Variants in TPX2 observed in about 807,000 individuals in gnomAD.
TPX2 encodes the protein targeting protein for Xklp2.
In TPX2, 21 loss-of-function variants were observed where a neutral mutation model predicts 93.6. That is an observed-to-expected ratio of 0.22 (90% CI 0.16 to 0.32). The LOEUF (loss-of-function observed/expected upper bound fraction) is 0.32. Among genes scored for constraint, TPX2 ranks in the 10% least tolerant of loss-of-function variants. The pLI is 1.00. For synonymous variants in TPX2, 281 were observed against 298.3 expected (o/e 0.94, Z 0.60); for missense variants, 776 against 871.1 (o/e 0.89, Z 1.37).
At chr20:31,759,780 A>G (rs1386041214) in intron 3 of TPX2, among the ~76,000 whole-genome samples, 1 of 152,112 alleles carries the variant, frequency 6.6e-6, no homozygotes, top group Non-Finnish European at 1.5e-5. Context: ...CTAAATGTGT[A>G]CCAAACAAAG....
intron 2 of TPX2, among the ~76,000 whole-genome samples, chr20:31,751,121 G>C (rs1478606755): frequency 1.3e-5 from 2 of 152,230 alleles, no homozygotes; most frequent in Non-Finnish European, 1.5e-5. Context: ...AGGAGTTCGA[G>C]TCTAGCCTGA....
intron 10 of TPX2, among the ~76,000 whole-genome samples, chr20:31,780,041 T>A (rs1397421831): frequency 6.6e-6 from 1 of 152,212 alleles, no homozygotes; most frequent in Non-Finnish European, 1.5e-5. Flanking sequence ...ATTTTTTATA[T>A]CCTTGCATAG....
intron 12 of TPX2, among the ~76,000 whole-genome samples, chr20:31,786,793 G>A (rs6060947): frequency 6.6e-6 from 1 of 152,110 alleles, no homozygotes; most frequent in Non-Finnish European, 1.5e-5. Flanking sequence ...AAGTAGGGAA[G>A]GGTGACCAGA....
intron 2 of TPX2, among the ~76,000 whole-genome samples, 182 bp downstream of exon 2, chr20:31,742,829 G>T (rs1301097269): frequency 6.6e-6 from 1 of 152,170 alleles, no homozygotes; most frequent in Non-Finnish European, 1.5e-5. Flanking sequence ...TTAGCCTTTT[G>T]ATAGATTTCT....
intron 3 of TPX2, among the ~76,000 whole-genome samples, chr20:31,758,369 C>G (rs188002096): frequency 3.3e-5 from 5 of 152,288 alleles, no homozygotes; most frequent in Admixed American, 2.6e-4. Flanking sequence ...ATCCACCCAC[C>G]TCAGCCTCCC....
In TPX2 at chr20:31,785,607, C is replaced by G. The variant is rs544978302; in HGVS notation, c.1413+1686C>G. On this transcript the variant is annotated intron_variant, in intron 12 of 17. Transcript: ENST00000300403. ...CCGCCTCCCGGGTTTAAGCGATTCT[C>G]CCACCTTAGCCTCCCGAGTAGTTGG... is the stretch of plus-strand genomic sequence containing the variant. Among the ~76,000 whole-genome samples the G allele has an allele frequency of 3.9e-5, 6 of 151,948 alleles. No homozygotes were observed. The South Asian group carries it at 1.2e-3, about 32-fold the overall frequency.
At chr20:31,793,821 A>C in intron 13 of TPX2, 27 bp from the exon 14 acceptor site, 1 of 1,540,758 alleles carries the variant, frequency 6.5e-7, no homozygotes. Context: ...GAGGAGTCTT[A>C]TTTCTAAACT....
intron 3 of TPX2, among the ~76,000 whole-genome samples, chr20:31,758,672 C>CT (rs1256335724): frequency 5.9e-5 from 9 of 152,174 alleles, no homozygotes; most frequent in Non-Finnish European, 2.9e-5. Context: ...GTATAGTGCA[C>CT]TGTCCAAATG....
intron 3 of TPX2, 84 bp from the exon 4 acceptor site, chr20:31,759,973 G>C (rs2061878403): frequency 1.3e-6 from 2 of 1,565,414 alleles, no homozygotes; most frequent in African/African-American, 1.4e-5. Flanking sequence ...CTGGTAGGGA[G>C]CTTTAGTTTG....
chr20:31,770,521 T>C, intron 6 of TPX2, 50 bp downstream of exon 6: 1 of 1,433,220 alleles, frequency 7.0e-7, no homozygotes, highest in Non-Finnish European at 9.2e-7. Flanking sequence ...TTGTACCTTG[T>C]ATACCACTTG....
rs2062122984 is a variant in TPX2 at position 31,794,522 on chromosome 20, C to G, written c.1807C>G (p.Leu603Val). ...FCLETDRRGA[L>V]KAQTWKHQLE... The stretch of plus-strand genomic sequence containing the variant: ...CTTGGAGACTGACAGAAGAGGTGCT[C>G]TGAAGGCACAGACTTGGAAGCACCA... The change falls in exon 15 of 18, where the codon CTG (leucine) becomes GTG (valine). Residue 603 changes from leucine (L) to valine (V), a missense_variant. This residue lies in a region of TPX2 where 461 missense variants were observed against 551.2 expected (regional missense o/e 0.84). Transcript: ENST00000300403. 3 of 1,613,858 alleles carry G rather than the reference C, an allele frequency of 1.9e-6. No individual in the cohort carries two copies. The South Asian group carries it at 3.3e-5, about 18-fold the overall frequency.
chr20:31,797,490 C>T lies in TPX2; in HGVS notation c.1920C>T (p.Pro640=), dbSNP rs748316629. The change falls in exon 16 of 18, where the codon CCC becomes CCT. Residue 640 remains proline (P), a synonymous_variant. Coordinates refer to ENST00000300403, the MANE Select transcript of TPX2 (RefSeq NM_012112.5). ...NTVISQEPFV[P]KKEKKSVAEG... ...TCATCTCTCAGGAGCCCTTTGTTCC[C>T]AAGAAAGAGAAGAAATCAGTTGCTG... 1 of 1,613,762 alleles carries T rather than the reference C, an allele frequency of 6.2e-7. No homozygotes were observed. The highest frequency in any genetic ancestry group is 1.3e-5 in the African/African-American group (1 of 74,858).
At chr20:31,782,805 G>A (rs1004611329) in intron 11 of TPX2, among the ~76,000 whole-genome samples, 4 of 151,902 alleles carry the variant, frequency 2.6e-5, no homozygotes, top group Admixed American at 1.3e-4. Flanking sequence ...CTGAACCCAG[G>A]AGGTCAATGC....
intron 2 of TPX2, among the ~76,000 whole-genome samples, chr20:31,754,420 C>G (rs767259625): frequency 1.3e-4 from 20 of 152,276 alleles, no homozygotes; most frequent in Middle Eastern, 3.4e-3. Flanking sequence ...CTGAGAGAAG[C>G]TGTGAAATGC....
intron 15 of TPX2, among the ~76,000 whole-genome samples, chr20:31,795,827 C>G (rs570288382): frequency 6.6e-6 from 1 of 152,346 alleles, no homozygotes; most frequent in South Asian, 2.1e-4. Context: ...GGATCTAATT[C>G]TACGTGGCTG....
intron 2 of TPX2, among the ~76,000 whole-genome samples, chr20:31,744,271 T>C (rs1266921360): frequency 6.7e-6 from 1 of 148,906 alleles, no homozygotes; most frequent in East Asian, 2.0e-4. Context: ...CAAGCAATTC[T>C]CCTGCCTCAG....
intron 10 of TPX2, 104 bp downstream of exon 10, chr20:31,779,088 A>T: frequency 7.7e-7 from 1 of 1,294,552 alleles, no homozygotes; most frequent in South Asian, 1.6e-5. Context: ...TAGTTTTTCA[A>T]TTAAAGTATG....
chr20:31,793,162 T>C (rs2062113437), intron 13 of TPX2, among the ~76,000 whole-genome samples: 1 of 152,210 alleles, frequency 6.6e-6, no homozygotes, highest in African/African-American at 2.4e-5. Flanking sequence ...TTGCCTTAGA[T>C]TGTCACTATT....
rs770432334 is a variant in TPX2, at chr20:31,760,222, G to A, written c.229+43G>A. ...AAAAAAGCTCCTTGATAGAATGGTG[G>A]GACAGTGTTTTAGAAGCCTGAGGTT... is the stretch of plus-strand genomic sequence containing the variant. On this transcript the variant is annotated intron_variant, in intron 4 of 17. Coordinates refer to ENST00000300403, the MANE Select transcript of TPX2 (RefSeq NM_012112.5). 32 of 1,607,934 alleles carry A rather than the reference G, an allele frequency of 2.0e-5. No homozygotes were observed. The Admixed American group carries it at 4.8e-4, about 24-fold the overall frequency.
Sources: allele counts gnomAD v4.1 joint callset (sites outside exome capture counted in the v4.1 genomes callset), GRCh38; gene constraint gnomAD v4.1.1; regional missense constraint gnomAD v4.1.1; transcripts MANE v1.5; gene names NCBI Gene and HGNC (gene_info 2026-07-23, HGNC 2026-07-21).